Variants in LRP1B observed in about 807,000 individuals in gnomAD.
The protein encoded by LRP1B is LDL receptor related protein 1B, also known as low-density lipoprotein receptor-related protein 1B.
In LRP1B, 217 loss-of-function variants were observed where a neutral mutation model predicts 556.6. The observed-to-expected ratio is 0.39, with a 90% confidence interval of 0.35 to 0.44. LRP1B has a LOEUF of 0.44. Among genes scored for constraint, LRP1B ranks in the 20% least tolerant of loss-of-function variants. The pLI is 1.00. For missense variants in LRP1B, 5,053 were observed against 5,620.8 expected, an observed-to-expected ratio of 0.90 and a Z score of 3.23; for synonymous variants, 2,047 against 1,865.8, an observed-to-expected ratio of 1.10 and a Z score of -2.50.
At chr2:141,421,494 A>G (rs915348252) in intron 3 of LRP1B, among the ~76,000 whole-genome samples, 6 of 145,988 alleles carry the variant, frequency 4.1e-5, no homozygotes, top group African/African-American at 1.5e-4. Flanking sequence ...CCGCCACTGC[A>G]CTCCAGCCTG....
At chr2:141,872,295 A>C (rs2105801615) in intron 1 of LRP1B, among the ~76,000 whole-genome samples, 1 of 152,118 alleles carries the variant, frequency 6.6e-6, no homozygotes, top group Middle Eastern at 3.4e-3. Context: ...TTGGGAAAAA[A>C]AGGAAATTGT....
chr2:141,338,069 T>C (rs1399086227), intron 3 of LRP1B, among the ~76,000 whole-genome samples: 1 of 152,202 alleles, frequency 6.6e-6, no homozygotes, highest in Admixed American at 6.5e-5. Flanking sequence ...TTCTGTTGAC[T>C]GTGGTTGTAA....
At chr2:140,789,563 C>T (rs541949991) in intron 32 of LRP1B, among the ~76,000 whole-genome samples, 1 of 150,992 alleles carries the variant, frequency 6.6e-6, no homozygotes, top group East Asian at 2.0e-4. Flanking sequence ...AATGAAGCTC[C>T]TGTCACTCTA....
At chr2:140,672,482 T>TAAAAAAAAAAAA (rs55884730) in intron 41 of LRP1B, among the ~76,000 whole-genome samples, 7 of 81,580 alleles carry the variant, frequency 8.6e-5, no homozygotes, top group African/African-American at 3.8e-4. Flanking sequence ...AGACTCCATC[T>TAAAAAAAAAAAA]AAAAAAAAAA....
intron 43 of LRP1B, among the ~76,000 whole-genome samples, chr2:140,560,723 C>A (rs545967449): frequency 4.4e-4 from 67 of 152,168 alleles, no homozygotes; most frequent in South Asian, 2.1e-4. Flanking sequence ...ACAGTAAAAT[C>A]CCATTCAAAA....
intron 1 of LRP1B, among the ~76,000 whole-genome samples, chr2:141,869,713 A>G (rs75157970): frequency 0.02 from 2,992 of 152,252 alleles, 91 homozygotes; most frequent in African/African-American, 0.067. Context: ...TAACTGTAAC[A>G]TAACAACAAT....
At chr2:141,306,113 T>C (rs749850277) in intron 3 of LRP1B, among the ~76,000 whole-genome samples, 14 of 152,048 alleles carry the variant, frequency 9.2e-5, no homozygotes, top group Non-Finnish European at 1.6e-4. Flanking sequence ...AAATAAGTTA[T>C]GGAAAATTAC....
chr2:141,310,737 T>C (rs1369071538), intron 3 of LRP1B, among the ~76,000 whole-genome samples: 1 of 152,028 alleles, frequency 6.6e-6, no homozygotes, highest in East Asian at 1.9e-4. Context: ...TTAAATAAAA[T>C]AAGACGATGC....
intron 24 of LRP1B, 64 bp from the exon 25 acceptor site, chr2:140,884,085 G>A (rs2105188053): frequency 7.1e-7 from 1 of 1,407,828 alleles, no homozygotes. Flanking sequence ...CAAAGGAAAA[G>A]GCCTTTGTGC....
At chr2:141,741,116 G>C (rs1439283772) in intron 2 of LRP1B, among the ~76,000 whole-genome samples, 6 of 152,048 alleles carry the variant, frequency 3.9e-5, no homozygotes, top group African/African-American at 9.7e-5. Context: ...CTTTATGGCT[G>C]AATAGTACTC....
intron 1 of LRP1B, among the ~76,000 whole-genome samples, chr2:142,122,099 C>G (rs1707477248): frequency 2.0e-5 from 3 of 152,110 alleles, no homozygotes; most frequent in South Asian, 4.1e-4. Context: ...TGTTTATCTT[C>G]TCAGAATGGG....
intron 37 of LRP1B, among the ~76,000 whole-genome samples, chr2:140,706,357 T>C (rs1436416171): frequency 6.6e-6 from 1 of 152,178 alleles, no homozygotes; most frequent in Non-Finnish European, 1.5e-5. Context: ...AAATACTTTC[T>C]GAAATCTAGA....
At chr2:141,618,703 C>T (rs996571925) in intron 2 of LRP1B, among the ~76,000 whole-genome samples, 7 of 152,068 alleles carry the variant, frequency 4.6e-5, no homozygotes, top group African/African-American at 1.2e-4. Context: ...GATATTGTGC[C>T]GGATATGTTT....
At chr2:140,261,225 T>C (rs1170010568) in intron 86 of LRP1B, among the ~76,000 whole-genome samples, 1 of 151,908 alleles carries the variant, frequency 6.6e-6, no homozygotes, top group African/African-American at 2.4e-5. Context: ...ACTGTGATTC[T>C]GGCCCAAGCT....
intron 2 of LRP1B, among the ~76,000 whole-genome samples, chr2:141,693,073 C>A (rs901273570): frequency 1.3e-5 from 2 of 152,028 alleles, no homozygotes. Context: ...GGGAACTTTG[C>A]CACTATGCAG....
chr2:142,025,173 A>G (rs1703464296), intron 1 of LRP1B, among the ~76,000 whole-genome samples: 1 of 152,074 alleles, frequency 6.6e-6, no homozygotes. Context: ...CTTTCTTCCC[A>G]TCCCAAACAT....
chr2:140,659,471 G>C (rs575841616), intron 41 of LRP1B, among the ~76,000 whole-genome samples: 3 of 152,126 alleles, frequency 2.0e-5, no homozygotes, highest in African/African-American at 4.8e-5. Context: ...CAACTTTGCA[G>C]TGTACTGAGT....
intron 3 of LRP1B, among the ~76,000 whole-genome samples, chr2:141,340,982 C>G (rs748277680): frequency 1.3e-5 from 2 of 152,058 alleles, no homozygotes; most frequent in Admixed American, 6.6e-5. Context: ...CAGACAAAAC[C>G]AAGCCCAGGT....
intron 43 of LRP1B, among the ~76,000 whole-genome samples, chr2:140,591,346 C>T (rs1284498635): frequency 1.3e-5 from 2 of 152,130 alleles, no homozygotes; most frequent in African/African-American, 2.4e-5. Flanking sequence ...AAATTAAAGT[C>T]CAGAGAAGTC....
Sources: gnomAD v4.1 joint callset for allele counts (sites outside exome capture counted in the v4.1 genomes callset) on GRCh38, gnomAD v4.1.1 for gene constraint, MANE v1.5 for transcripts, NCBI Gene and HGNC (gene_info 2026-07-23, HGNC 2026-07-21) for gene names.